Variants in FMO3 observed in about 807,000 individuals in gnomAD.
The protein encoded by FMO3 is flavin-containing monooxygenase 3.
Under a neutral mutation model 39.4 loss-of-function variants are expected in FMO3, and 40 were observed. The observed-to-expected ratio is 1.02, with a 90% confidence interval of 0.79 to 1.32. The LOEUF is 1.32. Among genes scored for constraint, FMO3 ranks in the 40% most tolerant of loss-of-function variants. FMO3 has a pLI of 0.00. For missense variants in FMO3, 680 were observed against 651.8 expected, an observed-to-expected ratio of 1.04 and a Z score of -0.47; for synonymous variants, 219 against 228.8, an observed-to-expected ratio of 0.96 and a Z score of 0.39.
Position 171,090,953 on chromosome 1 carries a change from G to A in FMO3, c.-35G>A, listed in dbSNP as rs912149755. 2 of 152,376 alleles carry A rather than the reference G, an allele frequency of 1.3e-5. No individual in the cohort carries two copies. The highest frequency in any genetic ancestry group is 4.8e-5 in the African/African-American group (2 of 41,436). The allele number at this position is 152,376 out of a possible 1,614,324, so 9.4% of individuals were successfully genotyped here. ...GACGTAGACACACAGAAGAAAAGAA[G>A]ACAAAGAACGGGTAGGAAAATTAAA... On this transcript the variant is annotated 5_prime_UTR_variant, in exon 1 of 9. Transcript: ENST00000367755.
Position 171,117,162 on chromosome 1 carries a change from T to C in FMO3, c.1319T>C (p.Phe440Ser), listed in dbSNP as rs772687831. 7.4e-6 allele frequency: 12 copies of C among 1,614,090 alleles called. No homozygotes were observed. Among genetic ancestry groups the C allele is most frequent in the Admixed American group, 1.7e-5 (1 of 60,004 alleles). The change falls in exon 9 of 9, where the codon TTC (phenylalanine) becomes TCC (serine). Residue 440 changes from phenylalanine (F) to serine (S), a missense_variant. Transcript: ENST00000367755. The part of the protein sequence containing the change: ...YIVYMDELSS[F>S]IGAKPNIPWL... ...GTTTATATGGATGAACTCTCCTCCT[T>C]CATTGGGGCAAAGCCCAACATCCCA...
intron 6 of FMO3, among the ~76,000 whole-genome samples, chr1:171,111,978 C>T (rs746985565): frequency 6.6e-6 from 1 of 152,102 alleles, no homozygotes; most frequent in Non-Finnish European, 1.5e-5. Context: ...CCAATAGAGT[C>T]CTCAGAGTAT....
chr1:171,117,307 CCAGTGGGACCGGTCGT>C lies in FMO3; in HGVS notation c.1465_1480del (p.Gln489Ter). On this transcript the variant is annotated frameshift_variant, in exon 9 of 9. Transcript: ENST00000367755. LOFTEE classifies it low-confidence loss of function (END_TRUNC). ...CAGGAGCCAGAAATGCCATACTGAC[CCAGTGGGACCGGTCGT>C]TGAAACCCATGCAGACACGAGTGGT... 6.2e-7 allele frequency: 1 copy of C among 1,614,106 alleles called. No individual in the cohort carries two copies. The highest frequency in any genetic ancestry group is 1.3e-5 in the African/African-American group (1 of 75,062).
chr1:171,106,910 T>C (rs1391659130), intron 3 of FMO3, among the ~76,000 whole-genome samples: 2 of 152,190 alleles, frequency 1.3e-5, no homozygotes, highest in African/African-American at 4.8e-5. Flanking sequence ...AAACAAATTA[T>C]GTATTAGGTC....
intron 5 of FMO3, among the ~76,000 whole-genome samples, chr1:171,108,548 A>G (rs1456676751): frequency 6.6e-6 from 1 of 152,172 alleles, no homozygotes; most frequent in Non-Finnish European, 1.5e-5. Context: ...AAGTCCTTCA[A>G]TCTCTCTGAG....
At chr1:171,098,382 G>C (rs192835551) in intron 2 of FMO3, among the ~76,000 whole-genome samples, 2 of 152,186 alleles carry the variant, frequency 1.3e-5, no homozygotes, top group Non-Finnish European at 2.9e-5. Context: ...ACCTTGGGCA[G>C]TATGGCCATT....
chr1:171,110,557 T>A (rs1291571757), intron 5 of FMO3, among the ~76,000 whole-genome samples: 1 of 152,148 alleles, frequency 6.6e-6, no homozygotes, highest in Non-Finnish European at 1.5e-5. Flanking sequence ...TGGGCCTTTA[T>A]ACGCCCGCAT....
intron 7 of FMO3, among the ~76,000 whole-genome samples, chr1:171,114,934 T>C (rs1656076215): frequency 6.6e-6 from 1 of 152,180 alleles, no homozygotes; most frequent in Non-Finnish European, 1.5e-5. Context: ...GTGTAGTAGA[T>C]GATCAGTCTG....
At chr1:171,094,545 A>G (rs28745586) in intron 2 of FMO3, among the ~76,000 whole-genome samples, 20,637 of 151,976 alleles carry the variant, frequency 0.14, 1,903 homozygotes, top group Non-Finnish European at 0.2. Flanking sequence ...AGTTTTACCT[A>G]TTTTTTTCTA....
At chr1:171,115,705 T>A (rs889607327) in intron 7 of FMO3, among the ~76,000 whole-genome samples, 7 of 152,142 alleles carry the variant, frequency 4.6e-5, no homozygotes, top group African/African-American at 1.4e-4. Flanking sequence ...TCAGATCTAG[T>A]CTCCTGGGTC....
chr1:171,103,646 C>T (rs900875226), intron 2 of FMO3, 139 bp from the exon 3 acceptor site: 4 of 731,208 alleles, frequency 5.5e-6, no homozygotes, highest in East Asian at 2.5e-5. Context: ...CTTGAGCATT[C>T]GTAGATTTTG....
At chr1:171,096,070 AT>A (rs1294454622) in intron 2 of FMO3, among the ~76,000 whole-genome samples, 2,850 of 52,132 alleles carry the variant, frequency 0.055, 187 homozygotes, top group African/African-American at 0.17. Context: ...TATATTATAT[AT>A]TAATATATAA....
intron 2 of FMO3, among the ~76,000 whole-genome samples, chr1:171,099,055 A>G (rs573811324): frequency 1.1e-4 from 16 of 151,988 alleles, no homozygotes; most frequent in African/African-American, 3.9e-4. Flanking sequence ...ATTTCCCTCT[A>G]CACACTGCTT....
intron 8 of FMO3, 85 bp downstream of exon 8, chr1:171,116,365 A>T: frequency 1.4e-6 from 1 of 731,950 alleles, no homozygotes; most frequent in Admixed American, 2.2e-5. Flanking sequence ...TTAATCTTAA[A>T]TTATCCTGAA....
chr1:171,112,495 C>T (rs1365354596), intron 6 of FMO3, among the ~76,000 whole-genome samples: 2 of 152,036 alleles, frequency 1.3e-5, no homozygotes, highest in Admixed American at 6.6e-5. Flanking sequence ...GCTTGAAGGT[C>T]GACCCAAATA....
At chr1:171,096,650 A>AT (rs1557934511) in intron 2 of FMO3, among the ~76,000 whole-genome samples, 1 of 105,094 alleles carries the variant, frequency 9.5e-6, no homozygotes, top group African/African-American at 4.9e-5. Context: ...TACATAATAT[A>AT]TTTTATATTT....
At position 171,117,211 on chromosome 1, in the gene FMO3, A is replaced by G; in HGVS notation, c.1368A>G (p.Lys456=). 2 of 1,614,170 alleles carry G rather than the reference A, an allele frequency of 1.2e-6. No homozygotes were observed. The highest frequency in any genetic ancestry group is 1.7e-6 in the Non-Finnish European group (2 of 1,180,010). The part of the protein sequence containing the change: ...NIPWLFLTDP[K]LAMEVYFGPC... The stretch of plus-strand genomic sequence containing the variant: ...CATGGCTGTTTCTCACAGATCCCAA[A>G]TTGGCCATGGAAGTTTATTTTGGCC... Residue 456 remains lysine (K), a synonymous_variant, in exon 9 of 9, where the codon AAA becomes AAG. Coordinates refer to ENST00000367755, the MANE Select transcript of FMO3 (RefSeq NM_001002294.3).
Position 171,096,186 on chromosome 1 carries a change from A to G in FMO3, c.132+3396A>G, listed in dbSNP as rs1453439086. On this transcript the variant is annotated intron_variant, in intron 2 of 8. Transcript: ENST00000367755. ...TATATATAATTATATATAATATATT[A>G]ATATATATTTATATCAATATAATAT... Among the ~76,000 whole-genome samples, 3 of 87,600 alleles carry G rather than the reference A, an allele frequency of 3.4e-5. No individual in the cohort carries two copies. The East Asian group carries it at 1.0e-3, about 30-fold the overall frequency. The allele number at this position is 87,600 out of a possible 152,430, so 57.5% of individuals were successfully genotyped here. A position where few individuals can be genotyped will look rare whatever the true frequency, so the allele number is the denominator to read the frequency against.
chr1:171,098,061 T>G (rs1426438770), intron 2 of FMO3, among the ~76,000 whole-genome samples: 2 of 152,238 alleles, frequency 1.3e-5, no homozygotes, highest in East Asian at 3.8e-4. Context: ...CTTTCCCCAT[T>G]TCTTGTTTTT....
Sources: gnomAD v4.1 joint callset for allele counts (sites outside exome capture counted in the v4.1 genomes callset) on GRCh38, gnomAD v4.1.1 for gene constraint, MANE v1.5 for transcripts, NCBI Gene and HGNC (gene_info 2026-07-23, HGNC 2026-07-21) for gene names.